SYNE1: variants seen among roughly 807,000 people sequenced by gnomAD.
The protein encoded by SYNE1 is spectrin repeat containing nuclear envelope protein 1, also known as nesprin-1.
Under a neutral mutation model 1,111.0 loss-of-function variants are expected in SYNE1, and 616 were observed. That is an observed-to-expected ratio of 0.55 (90% confidence interval 0.52 to 0.59). SYNE1 has a LOEUF of 0.59. SYNE1 is among the 20% of genes least tolerant of loss of function. SYNE1 has a pLI of 0.00. For synonymous variants in SYNE1, 3,855 were observed against 3,825.8 expected (o/e 1.01, Z -0.28); for missense variants, 10,006 against 10,417.0 (o/e 0.96, Z 1.72).
intron 10 of SYNE1, among the ~76,000 whole-genome samples, chr6:152,501,167 G>A (rs1026189757): frequency 7.2e-5 from 11 of 151,824 alleles, no homozygotes; most frequent in African/African-American, 2.7e-4. Context: ...AAGAGGAGGA[G>A]CAACTTCTAA....
chr6:152,316,956 T>A lies in SYNE1; in HGVS notation c.16603A>T (p.Met5535Leu), dbSNP rs1283757623. The A allele has an allele frequency of 6.2e-7, 1 of 1,614,096 alleles. No individual in the cohort carries two copies. The highest frequency in any genetic ancestry group is 1.3e-5 in the African/African-American group (1 of 75,054). Residue 5535 changes from methionine to leucine, a missense_variant, in exon 87 of 146, where the codon ATG (methionine) becomes TTG (leucine). By Grantham distance (15) the Met-to-Leu change is conservative. This residue lies in a region of SYNE1 where 4,955 missense variants were observed against 5,017.2 expected (regional missense o/e 0.99). Coordinates refer to ENST00000367255, the MANE Select transcript of SYNE1 (RefSeq NM_182961.4). Reference sequence around the variant, plus strand: ...ATCCACTTCAAAATTAATTCAAGCATTTCATTGTATTCTTCTAAATGTGAT... The same window carrying A: ...ATCCACTTCAAAATTAATTCAAGCAATTCATTGTATTCTTCTAAATGTGAT... Reference protein sequence around the residue: ...AASHLEEYNEMLELILKWIEK... With the variant: ...AASHLEEYNELLELILKWIEK...
chr6:152,180,037 A>G (rs1405554282), intron 129 of SYNE1, 99 bp downstream of exon 129: 1 of 1,291,310 alleles, frequency 7.7e-7, no homozygotes, highest in Non-Finnish European at 1.1e-6. Context: ...TGCTCCTTTG[A>G]CAGGAAAGTA....
In SYNE1 at chr6:152,583,518, TACA is replaced by T. The variant is rs773662100; in HGVS notation, c.68-43500_68-43498del. 3.9e-5 allele frequency among the ~76,000 whole-genome samples: 6 copies of T among 152,352 alleles called. No homozygotes were observed. The South Asian group carries it at 1.2e-3, about 32-fold the overall frequency. On this transcript the variant is annotated intron_variant, in intron 3 of 145. Transcript: ENST00000367255. ...AATCTATAAATGTTGCCTGTTTTAT[TACA>T]ACAATTCCAATGTGTGGGACCTTTA... is the stretch of plus-strand genomic sequence containing the variant.
rs1254044215 is a variant in SYNE1 at position 152,244,724 on chromosome 6, T to C, written c.19573-68A>G. 4 of 1,595,900 alleles carry C rather than the reference T, an allele frequency of 2.5e-6. No individual in the cohort carries two copies. In the African/African-American group the frequency reaches 5.4e-5, roughly 21 times the overall value. The stretch of plus-strand genomic sequence containing the variant: ...ATTTCCCCACGGAAGATGTGATTAT[T>C]GTATCTCTTTCTGTGTTCCTCCTCT... On this transcript the variant is annotated intron_variant, in intron 105 of 145. Coordinates refer to ENST00000367255, the MANE Select transcript of SYNE1 (RefSeq NM_182961.4).
chr6:152,236,702 A>G, intron 109 of SYNE1, 115 bp downstream of exon 109: 1 of 1,262,078 alleles, frequency 7.9e-7, no homozygotes, highest in Non-Finnish European at 1.2e-6. Context: ...TTCAATGTCA[A>G]TAACTTGAAA....
chr6:152,523,740 T>C (rs574229208), intron 5 of SYNE1, among the ~76,000 whole-genome samples: 6 of 152,280 alleles, frequency 3.9e-5, no homozygotes, highest in African/African-American at 1.4e-4. Flanking sequence ...AGCAGTGTTT[T>C]GTAGTTCTCC....
intron 3 of SYNE1, among the ~76,000 whole-genome samples, chr6:152,555,802 T>C (rs76121078): frequency 0.039 from 5,920 of 152,204 alleles, 252 homozygotes; most frequent in East Asian, 0.16. Context: ...CATGATATAT[T>C]TTATATAAAA....
chr6:152,451,499 G>GTTATTT (rs2098649883), intron 25 of SYNE1, among the ~76,000 whole-genome samples: 1 of 68,862 alleles, frequency 1.5e-5, no homozygotes. Context: ...TTTTTTTTTG[G>GTTATTT]TGAGATGGAG....
intron 3 of SYNE1, among the ~76,000 whole-genome samples, chr6:152,588,578 C>T (rs540309919): frequency 2.0e-5 from 3 of 152,316 alleles, no homozygotes; most frequent in Non-Finnish European, 4.4e-5. Flanking sequence ...ATCCTCTCAG[C>T]AGGTCAAGCT....
rs2083977894 is a variant in SYNE1 at position 152,236,109 on chromosome 6, G to C, written c.20394C>G (p.Thr6798=). The C allele has an allele frequency of 6.2e-7, 1 of 1,613,604 alleles. No individual in the cohort carries two copies. Among genetic ancestry groups the C allele is most frequent in the African/African-American group, 1.3e-5 (1 of 74,874 alleles). Residue 6798 remains threonine, a splice_region_variant and synonymous_variant, in exon 110 of 146, where the codon ACC becomes ACG. Coordinates refer to ENST00000367255, the MANE Select transcript of SYNE1 (RefSeq NM_182961.4). ...ATACAAAACAGTCATTGTATTACCT[G>C]GTCCAGTGTTTCAATATTGTTTCCA... ...HRLETILKHW[T]RYQSESADLI...
At chr6:152,277,258 CTTTTTCTTT>C (rs2093695068) in intron 98 of SYNE1, among the ~76,000 whole-genome samples, 3 of 112,596 alleles carry the variant, frequency 2.7e-5, no homozygotes, top group Non-Finnish European at 5.6e-5. Context: ...ACTCCTTTTT[CTTTTTCTTT>C]TTTTTTTTTT....
At chr6:152,274,331 A>C (rs1242933360) in intron 98 of SYNE1, among the ~76,000 whole-genome samples, 1 of 152,080 alleles carries the variant, frequency 6.6e-6, no homozygotes, top group African/African-American at 2.4e-5. Context: ...TTCATTGTCC[A>C]TTTATATTTC....
chr6:152,464,658 TC>T (rs1183202412), intron 18 of SYNE1: 1 of 154,226 alleles, frequency 6.5e-6, no homozygotes, highest in African/African-American at 2.4e-5. Flanking sequence ...AATGCCAGGC[TC>T]CCATTAGGAA....
chr6:152,597,517 C>T (rs1412627356), intron 3 of SYNE1, among the ~76,000 whole-genome samples: 1 of 152,118 alleles, frequency 6.6e-6, no homozygotes, highest in African/African-American at 2.4e-5. Context: ...GAACTCTTGG[C>T]CTCAAGTGAT....
intron 3 of SYNE1, among the ~76,000 whole-genome samples, chr6:152,586,145 G>A (rs752695458): frequency 1.3e-5 from 2 of 151,946 alleles, no homozygotes; most frequent in African/African-American, 2.4e-5. Flanking sequence ...ATAGAATTAG[G>A]TTTCCCTCAT....
rs1211961286 is a variant in SYNE1, at chr6:152,502,720, A to G, written c.801T>C (p.Asp267=). The G allele has an allele frequency of 1.9e-6, 3 of 1,610,798 alleles. No homozygotes were observed. The highest frequency in any genetic ancestry group is 1.7e-6 in the Non-Finnish European group (2 of 1,177,186). Residue 267 remains aspartate, a synonymous_variant, in exon 10 of 146, where the codon GAT becomes GAC. Transcript: ENST00000367255. ...CTACATAGGTCATAATAGATTTCTC[A>G]TCTGGTTTATCCACATCAACGTCTG... ...DPEDVDVDKP[D]EKSIMTYVAQ...
Position 152,325,123 on chromosome 6 carries a change from C to T in SYNE1, c.15618G>A (p.Leu5206=), listed in dbSNP as rs143034606. ...RAVAQDQEKI[L]EDAVDEWTGF... ...CCGTCCACTCATCCACTGCATCTTCCAGGATCTTCTCCTGGTCCTGGGCCA... is the reference window on the plus strand; with the variant it reads ...CCGTCCACTCATCCACTGCATCTTCTAGGATCTTCTCCTGGTCCTGGGCCA... The change falls in exon 81 of 146, where the codon CTG becomes CTA. Residue 5206 remains leucine (L), a synonymous_variant. Coordinates refer to ENST00000367255, the MANE Select transcript of SYNE1 (RefSeq NM_182961.4). 4 of 1,614,188 alleles carry T rather than the reference C, an allele frequency of 2.5e-6. No individual in the cohort carries two copies. The highest frequency in any genetic ancestry group is 3.4e-6 in the Non-Finnish European group (4 of 1,180,026).
At chr6:152,292,254 T>A (rs1184554753) in intron 95 of SYNE1, among the ~76,000 whole-genome samples, 1 of 152,204 alleles carries the variant, frequency 6.6e-6, no homozygotes, top group East Asian at 1.9e-4. Flanking sequence ...GGCATTGGAA[T>A]AGTCCCCCAA....
intron 135 of SYNE1, among the ~76,000 whole-genome samples, chr6:152,150,535 A>G (rs2060229921): frequency 6.6e-6 from 1 of 152,222 alleles, no homozygotes; most frequent in Non-Finnish European, 1.5e-5. Context: ...CATCCTGAGA[A>G]TCCATGTCTA....
Sources: allele counts gnomAD v4.1 joint callset (sites outside exome capture counted in the v4.1 genomes callset), GRCh38; gene constraint gnomAD v4.1.1; regional missense constraint gnomAD v4.1.1; transcripts MANE v1.5; gene names NCBI Gene and HGNC (gene_info 2026-07-23, HGNC 2026-07-21).